The following CEP112 variants were observed in gnomAD, a reference collection of about 807,000 sequenced individuals.
The protein encoded by CEP112 is centrosomal protein of 112 kDa.
A neutral mutation model predicts 153.0 loss-of-function variants in CEP112; 127 were observed. That is an observed-to-expected ratio of 0.83 (90% CI 0.72 to 0.96). The LOEUF is 0.96. CEP112 is among the 40% of genes least tolerant of loss of function. The pLI is 0.00. For synonymous variants in CEP112, 358 were observed against 374.4 expected, an observed-to-expected ratio of 0.96 and a Z score of 0.51; for missense variants, 1,089 against 1,101.2, an observed-to-expected ratio of 0.99 and a Z score of 0.16.
chr17:65,702,683 C>T (rs1376841899), intron 23 of CEP112, among the ~76,000 whole-genome samples: 1 of 151,892 alleles, frequency 6.6e-6, no homozygotes, highest in Non-Finnish European at 1.5e-5. Context: ...AAAGACATAC[C>T]CGAGACTGGG....
intron 20 of CEP112, among the ~76,000 whole-genome samples, chr17:65,872,169 CT>C (rs1181340869): frequency 6.6e-6 from 1 of 151,932 alleles, no homozygotes; most frequent in Non-Finnish European, 1.5e-5. Context: ...TTATTTATCC[CT>C]TTTCAACATT....
At chr17:65,745,942 T>A (rs1440096735) in intron 22 of CEP112, among the ~76,000 whole-genome samples, 1 of 151,796 alleles carries the variant, frequency 6.6e-6, no homozygotes, top group African/African-American at 2.4e-5. Flanking sequence ...GGCGGCCGGA[T>A]CACCTGAAGC....
At chr17:66,122,819 T>C (rs2069663105) in intron 6 of CEP112, among the ~76,000 whole-genome samples, 1 of 152,198 alleles carries the variant, frequency 6.6e-6, no homozygotes, top group Non-Finnish European at 1.5e-5. Context: ...AGGACTCTTC[T>C]TAGCTGTCTC....
At position 65,743,137 on chromosome 17, in the gene CEP112, G is replaced by A. The variant is rs2051230843; in HGVS notation, c.2538C>T (p.Leu846=). ...SQQQLAAERR[L]QDVRQKFEDE... is the part of the protein sequence containing the mutation. ...CTTCAAACTTTTGTCTAACATCCTG[G>A]AGCCGCCTTTCTGCAGCAAGCTGCT... The change falls in exon 23 of 27, where the codon CTC becomes CTT. Residue 846 remains leucine, a synonymous_variant. Coordinates refer to ENST00000535342, the MANE Select transcript of CEP112 (RefSeq NM_001199165.4). 6.2e-7 allele frequency: 1 copy of A among 1,612,844 alleles called. No homozygotes were observed. The highest frequency in any genetic ancestry group is 8.5e-7 in the Non-Finnish European group (1 of 1,179,560).
intron 21 of CEP112, among the ~76,000 whole-genome samples, chr17:65,795,189 G>A (rs1303319736): frequency 6.6e-6 from 1 of 152,108 alleles, no homozygotes; most frequent in African/African-American, 2.4e-5. Context: ...TTTGAAGCCA[G>A]GTCAGCCAGT....
chr17:65,929,011 A>G (rs867975327), intron 18 of CEP112, among the ~76,000 whole-genome samples: 1 of 152,226 alleles, frequency 6.6e-6, no homozygotes, highest in Non-Finnish European at 1.5e-5. Context: ...AATCCATAGA[A>G]ACAGAAAACA....
chr17:65,920,359 C>CAACAAAAAAA (rs2060656325), intron 19 of CEP112, among the ~76,000 whole-genome samples: 1 of 29,830 alleles, frequency 3.4e-5, no homozygotes, highest in African/African-American at 1.3e-4. Context: ...AACAAACAAA[C>CAACAAAAAAA]AAAATATATA....
At chr17:66,105,766 C>T (rs1428103824) in intron 6 of CEP112, among the ~76,000 whole-genome samples, 3 of 152,128 alleles carry the variant, frequency 2.0e-5, no homozygotes, top group Non-Finnish European at 2.9e-5. Context: ...GCACTCCAGC[C>T]TGGGTAACAG....
intron 18 of CEP112, among the ~76,000 whole-genome samples, chr17:65,959,400 C>T (rs1488648445): frequency 6.6e-6 from 1 of 152,242 alleles, no homozygotes; most frequent in Non-Finnish European, 1.5e-5. Flanking sequence ...TTACCCTCCA[C>T]TTGTCTGCAT....
chr17:65,907,301 T>C lies in CEP112; in HGVS notation c.1981-4967A>G, dbSNP rs369819584. ...CATGTTCAAATTTCACTTTATTCAT[T>C]TTTAAAAATCAGGAAAAAAAGGAAA... On this transcript the variant is annotated intron_variant, in intron 19 of 26. Transcript: ENST00000535342. Among the ~76,000 whole-genome samples the C allele has an allele frequency of 5.3e-5, 8 of 152,322 alleles. No individual in the cohort carries two copies. The East Asian group carries it at 1.3e-3, about 26-fold the overall frequency.
At chr17:66,017,667 A>C (rs1471816404) in intron 16 of CEP112, among the ~76,000 whole-genome samples, 3 of 152,184 alleles carry the variant, frequency 2.0e-5, no homozygotes, top group Non-Finnish European at 4.4e-5. Context: ...AGATCTTGGC[A>C]AAAGAGAACA....
chr17:66,028,518 A>C, intron 14 of CEP112, 113 bp from the exon 15 acceptor site: 2 of 465,924 alleles, frequency 4.3e-6, no homozygotes, highest in Admixed American at 3.8e-5. Flanking sequence ...TCAGAATTAA[A>C]ATTATCTAGA....
intron 16 of CEP112, among the ~76,000 whole-genome samples, chr17:66,014,387 T>C (rs2064679616): frequency 6.6e-6 from 1 of 152,200 alleles, no homozygotes; most frequent in South Asian, 2.1e-4. Context: ...GGCCAGCCGA[T>C]GGGAGAGTTC....
At chr17:65,918,549 C>T (rs2060580208) in intron 19 of CEP112, among the ~76,000 whole-genome samples, 1 of 152,130 alleles carries the variant, frequency 6.6e-6, no homozygotes, top group Admixed American at 6.5e-5. Flanking sequence ...TCCTTCAAGG[C>T]TTTGTAGTGG....
chr17:66,103,785 G>A (rs2068664107), intron 6 of CEP112, among the ~76,000 whole-genome samples: 1 of 152,142 alleles, frequency 6.6e-6, no homozygotes. Context: ...CCCCAGCAGT[G>A]GCTACATGGC....
intron 21 of CEP112, among the ~76,000 whole-genome samples, 192 bp downstream of exon 21, chr17:65,851,612 G>A (rs1264751003): frequency 6.6e-6 from 1 of 152,038 alleles, no homozygotes; most frequent in Non-Finnish European, 1.5e-5. Context: ...GAAAAGTTAG[G>A]AAATTCCCTA....
At chr17:65,696,205 G>C (rs778576031) in intron 23 of CEP112, among the ~76,000 whole-genome samples, 1 of 152,152 alleles carries the variant, frequency 6.6e-6, no homozygotes, top group Non-Finnish European at 1.5e-5. Context: ...TAATGTGTTT[G>C]ACACATATTC....
chr17:65,672,238 G>C (rs1438387201), intron 24 of CEP112, among the ~76,000 whole-genome samples: 2 of 152,214 alleles, frequency 1.3e-5, no homozygotes, highest in African/African-American at 4.8e-5. Context: ...TATTAGGATA[G>C]ATTTCAGTTG....
chr17:65,794,482 C>T (rs2054786462), intron 21 of CEP112, among the ~76,000 whole-genome samples: 1 of 152,088 alleles, frequency 6.6e-6, no homozygotes, highest in South Asian at 2.1e-4. Context: ...CTAATTTCTC[C>T]ACATCCCACC....
Sources: gnomAD v4.1 joint callset for allele counts (sites outside exome capture counted in the v4.1 genomes callset) on GRCh38, gnomAD v4.1.1 for gene constraint, MANE v1.5 for transcripts, NCBI Gene and HGNC (gene_info 2026-07-23, HGNC 2026-07-21) for gene names.